The following PLEKHM3 variants were observed in gnomAD, a reference collection of about 807,000 sequenced individuals.
PLEKHM3 encodes pleckstrin homology domain containing M3.
A neutral mutation model predicts 81.8 loss-of-function variants in PLEKHM3; 45 were observed. The ratio of observed to expected loss-of-function variants is 0.55; its 90% CI spans 0.43 to 0.71. The LOEUF (loss-of-function observed/expected upper bound fraction) is 0.71. Among genes scored for constraint, PLEKHM3 ranks in the 30% least tolerant of loss-of-function variants. The pLI is 0.00. For missense variants in PLEKHM3, 788 were observed against 924.3 expected (o/e 0.85, Z 1.91); for synonymous variants, 352 against 356.4 (o/e 0.99, Z 0.14).
At chr2:207,980,771 A>G (rs1304300447) in intron 2 of PLEKHM3, among the ~76,000 whole-genome samples, 1 of 152,080 alleles carries the variant, frequency 6.6e-6, no homozygotes, top group Non-Finnish European at 1.5e-5. Flanking sequence ...GGGTTTCACC[A>G]TATTGCCAAG....
At chr2:207,902,072 C>G (rs1317377602) in intron 6 of PLEKHM3, among the ~76,000 whole-genome samples, 1 of 152,200 alleles carries the variant, frequency 6.6e-6, no homozygotes, top group Non-Finnish European at 1.5e-5. Flanking sequence ...GCTATGAATA[C>G]AAGTTCCTTG....
At chr2:207,965,280 C>T (rs528767312) in intron 3 of PLEKHM3, among the ~76,000 whole-genome samples, 160 of 151,620 alleles carry the variant, frequency 1.1e-3, no homozygotes, top group Non-Finnish European at 1.9e-3. Context: ...GAAGTTACGC[C>T]GGAAATGAAC....
intron 6 of PLEKHM3, among the ~76,000 whole-genome samples, chr2:207,904,086 C>T (rs1022390715): frequency 5.9e-5 from 9 of 152,198 alleles, no homozygotes; most frequent in African/African-American, 1.4e-4. Flanking sequence ...CATCCACACA[C>T]GCTGAGTTGT....
chr2:207,941,993 G>A (rs1689953217), intron 4 of PLEKHM3, among the ~76,000 whole-genome samples: 1 of 152,148 alleles, frequency 6.6e-6, no homozygotes, highest in Non-Finnish European at 1.5e-5. Context: ...GTGGAGAAAA[G>A]GGAATGAATG....
At chr2:207,937,763 T>C (rs545327124) in intron 4 of PLEKHM3, among the ~76,000 whole-genome samples, 1 of 152,292 alleles carries the variant, frequency 6.6e-6, no homozygotes, top group South Asian at 2.1e-4. Flanking sequence ...CCTTATTGCT[T>C]TGGTAAAACA....
intron 1 of PLEKHM3, among the ~76,000 whole-genome samples, chr2:208,016,666 A>ATACACACACACACACACAC (rs1468410522): frequency 5.0e-4 from 17 of 34,072 alleles, no homozygotes; most frequent in African/African-American, 8.9e-4. Flanking sequence ...AAAAAAAAAA[A>ATACACACACACACACACAC]AAATACACAC....
intron 1 of PLEKHM3, among the ~76,000 whole-genome samples, chr2:208,016,666 A>ATACACACACAC (rs1468410522): frequency 0.069 from 2,311 of 33,264 alleles, 64 homozygotes; most frequent in African/African-American, 0.12. Flanking sequence ...AAAAAAAAAA[A>ATACACACACAC]AAATACACAC....
Position 207,979,536 on chromosome 2 carries a change from G to GA in PLEKHM3, c.611-1951dup, listed in dbSNP as rs796407911. 5.4e-3 allele frequency among the ~76,000 whole-genome samples: 563 copies of GA among 104,994 alleles called. 1 individual carries two copies. The highest frequency in any genetic ancestry group is 0.021 in the Middle Eastern group (4 of 194). 68.9% of individuals were successfully genotyped at this position (104,994 alleles called of 152,430 possible). On this transcript the variant is annotated intron_variant, in intron 2 of 7. Transcript: ENST00000427836. ...GTAACAAGAGTGAAACGCCGTCTCA[G>GA]AAAAAAAAAAAAAAAGAAAGAAAGA...
intron 4 of PLEKHM3, among the ~76,000 whole-genome samples, chr2:207,939,591 C>A (rs984678225): frequency 2.0e-5 from 3 of 152,190 alleles, no homozygotes; most frequent in African/African-American, 7.2e-5. Context: ...ATGCGCCACA[C>A]CCTGTGCCAG....
At chr2:207,983,467 C>T (rs1180033311) in intron 2 of PLEKHM3, among the ~76,000 whole-genome samples, 1 of 151,942 alleles carries the variant, frequency 6.6e-6, no homozygotes, top group East Asian at 1.9e-4. Flanking sequence ...CACAAATGAT[C>T]CAGATAGGAT....
At chr2:208,018,097 G>A (rs1376528986) in intron 1 of PLEKHM3, among the ~76,000 whole-genome samples, 4 of 152,112 alleles carry the variant, frequency 2.6e-5, no homozygotes, top group Non-Finnish European at 5.9e-5. Context: ...CTCTCCGGCT[G>A]GGCGCAGTGG....
In PLEKHM3 at chr2:208,001,592, C is replaced by T. The variant is rs201628811; in HGVS notation, c.48G>A (p.Thr16=). 3.0e-5 allele frequency: 49 copies of T among 1,614,028 alleles called. No homozygotes were observed. The highest frequency in any genetic ancestry group is 6.6e-5 in the South Asian group (6 of 91,086). The change falls in exon 2 of 8, where the codon ACG becomes ACA. Residue 16 remains threonine (T), a synonymous_variant. Coordinates refer to ENST00000427836, the MANE Select transcript of PLEKHM3 (RefSeq NM_001080475.3). Reference sequence around the variant, plus strand: ...TATCCAAAGTACTAAAGAATTCCTCCGTAACTTCTAAGGCTGGGCTGATAT... The same window carrying T: ...TATCCAAAGTACTAAAGAATTCCTCTGTAACTTCTAAGGCTGGGCTGATAT... ...VDDISPALEV[T]EEFFSTLDSN...
Position 207,861,207 on chromosome 2 carries a change from G to C in PLEKHM3, c.2006C>G (p.Ser669Ter). The C allele has an allele frequency of 6.2e-7, 1 of 1,614,132 alleles. No homozygotes were observed. Residue 669 changes from serine to a stop codon, truncating the protein, a stop_gained, in exon 7 of 8, where the codon TCA becomes TGA. Coordinates refer to ENST00000427836, the MANE Select transcript of PLEKHM3 (RefSeq NM_001080475.3). LOFTEE classifies it high-confidence loss of function. ...FLGKVIKFAT[S>*]HVYSCSLCSQ... ...ACAAAGACTGCAGCTGTACACGTGT[G>C]AGGTGGCAAATTTAATGACCTTGCC...
chr2:207,863,272 T>C (rs1241949571), intron 6 of PLEKHM3, among the ~76,000 whole-genome samples: 1 of 152,168 alleles, frequency 6.6e-6, no homozygotes, highest in Non-Finnish European at 1.5e-5. Flanking sequence ...AGCCCCCCAG[T>C]GCCTACCCTG....
At chr2:207,865,781 C>CAAAA (rs71412445) in intron 6 of PLEKHM3, among the ~76,000 whole-genome samples, 528 of 3,764 alleles carry the variant, frequency 0.14, 140 homozygotes, top group Admixed American at 0.29. Context: ...AACTCCGACT[C>CAAAA]AAAAAAAAAA....
intron 3 of PLEKHM3, among the ~76,000 whole-genome samples, chr2:207,949,567 G>C (rs1174595854): frequency 1.3e-5 from 2 of 152,124 alleles, no homozygotes; most frequent in Non-Finnish European, 1.5e-5. Flanking sequence ...TAAAAAGAAA[G>C]AAAGAATGAA....
At chr2:207,847,830 A>G (rs1475910953) in intron 7 of PLEKHM3, among the ~76,000 whole-genome samples, 1 of 152,160 alleles carries the variant, frequency 6.6e-6, no homozygotes, top group Non-Finnish European at 1.5e-5. Flanking sequence ...AAGAAAAGCC[A>G]CAGAAAGGAA....
intron 5 of PLEKHM3, among the ~76,000 whole-genome samples, chr2:207,918,860 C>T (rs1020013222): frequency 2.0e-5 from 3 of 152,090 alleles, no homozygotes; most frequent in Non-Finnish European, 2.9e-5. Context: ...GAAAGGGCAG[C>T]GCCAGTGCAT....
intron 7 of PLEKHM3, among the ~76,000 whole-genome samples, chr2:207,859,741 G>A (rs950268508): frequency 3.3e-5 from 5 of 151,920 alleles, no homozygotes; most frequent in African/African-American, 9.7e-5. Context: ...GGGGTTACAG[G>A]TGCCTGCTAC....
Sources: gnomAD v4.1 joint callset for allele counts (sites outside exome capture counted in the v4.1 genomes callset) on GRCh38, gnomAD v4.1.1 for gene constraint, MANE v1.5 for transcripts, NCBI Gene and HGNC (gene_info 2026-07-23, HGNC 2026-07-21) for gene names.